The following MUS81 variants were observed in gnomAD, a reference collection of about 807,000 sequenced individuals.
The protein encoded by MUS81 is structure-specific endonuclease subunit MUS81.
In MUS81, 69 loss-of-function variants were observed where a neutral mutation model predicts 74.2. The ratio of observed to expected loss-of-function variants is 0.93; its 90% CI spans 0.77 to 1.14. The LOEUF is 1.14. Among genes scored for constraint, MUS81 ranks in the 50% most tolerant of loss-of-function variants. MUS81 has a pLI of 0.00. For synonymous variants in MUS81, 303 were observed against 300.6 expected (o/e 1.01, Z -0.08); for missense variants, 711 against 726.5 (o/e 0.98, Z 0.25).
rs141734852 is a variant in MUS81, at chr11:65,864,539, G to A, written c.1102G>A (p.Val368Met). 27 of 1,614,036 alleles carry A rather than the reference G, an allele frequency of 1.7e-5. No individual in the cohort carries two copies. The African/African-American group carries it at 3.5e-4, about 21-fold the overall frequency. Residue 368 changes from valine to methionine, a missense_variant, in exon 11 of 16, where the codon GTG becomes ATG. By Grantham distance (21) the Val-to-Met change is conservative (BLOSUM62 1). Coordinates refer to ENST00000308110, the MANE Select transcript of MUS81 (RefSeq NM_025128.5). ...TGGTCTGGAGCGCCGGGTATACCTG[G>A]TGGAAGAGCATGGTTCCGTCCACAA... ...RCGLERRVYL[V>M]EEHGSVHNLS...
chr11:65,863,934 C>T (rs1859716405), intron 10 of MUS81, 33 bp downstream of exon 10: 1 of 1,605,538 alleles, frequency 6.2e-7, no homozygotes, highest in South Asian at 1.1e-5. Flanking sequence ...GCTTCCCTGC[C>T]TGCTCCGAAG....
At position 65,862,856 on chromosome 11, in the gene MUS81, GAC is replaced by G. The variant is rs529643233; in HGVS notation, c.606-204_606-203del. Among the ~76,000 whole-genome samples the G allele has an allele frequency of 7.2e-5, 11 of 152,362 alleles. No homozygotes were observed. The East Asian group carries it at 9.6e-4, about 13-fold the overall frequency. ...AGACAGGAGGAAGGAAATTGTCTGA[GAC>G]ACACTTCTTGCAGACCTGAGAATGG... On this transcript the variant is annotated intron_variant, in intron 6 of 15. Transcript: ENST00000308110.
intron 5 of MUS81, 49 bp from the exon 6 acceptor site, chr11:65,862,395 C>T (rs765168221): frequency 6.3e-7 from 1 of 1,591,716 alleles, no homozygotes; most frequent in Admixed American, 1.7e-5. Flanking sequence ...GGAACATGGA[C>T]TTGTGGTGGT....
chr11:65,866,956 G>A, downstream of MUS81: 1 of 1,614,184 alleles, frequency 6.2e-7, no homozygotes, highest in Non-Finnish European at 8.5e-7. Flanking sequence ...GTGAGCCTCA[G>A]TACAGAGCTG....
In MUS81 at chr11:65,865,314, C is replaced by T; in HGVS notation, c.1496C>T (p.Thr499Ile). 3 of 1,613,732 alleles carry T rather than the reference C, an allele frequency of 1.9e-6. No individual in the cohort carries two copies. Among genetic ancestry groups the T allele is most frequent in the Non-Finnish European group, 2.5e-6 (3 of 1,179,820 alleles). The change falls in exon 14 of 16, where the codon ACC becomes ATC. Residue 499 changes from threonine to isoleucine, a missense_variant. Physicochemically the swap from Thr to Ile is moderately conservative, Grantham distance 89. Transcript: ENST00000308110. ...GCAGCCCTGGTGGATCGATACAGCA[C>T]CCCTGCCAGGTAGGCCCTAAAGGGC... ...KAAALVDRYS[T>I]PASLLAAYDA...
At chr11:65,866,806 C>T (rs2134744161), downstream of MUS81, 1 of 1,394,400 alleles carries the variant, frequency 7.2e-7, no homozygotes, top group East Asian at 2.5e-5. Flanking sequence ...TGTGACCCGC[C>T]CACCTCAGCC....
At chr11:65,862,110 C>G in intron 4 of MUS81, 65 bp downstream of exon 4, 1 of 1,594,240 alleles carries the variant, frequency 6.3e-7, no homozygotes, top group Non-Finnish European at 8.6e-7. Context: ...CCCGAGGGGC[C>G]TGGCCCAGGC....
intron 3 of MUS81, 103 bp downstream of exon 3, chr11:65,861,538 T>C (rs1452527566): frequency 1.1e-6 from 1 of 912,240 alleles, no homozygotes; most frequent in Non-Finnish European, 1.7e-6. Context: ...TCACCAGTGA[T>C]GCCTGGCCTT....
chr11:65,866,166 T>C lies in MUS81; in HGVS notation c.*114T>C. The stretch of plus-strand genomic sequence containing the variant: ...GAATCTAAGTGTTTGCAGCCATATG[T>C]GTCATGTAGAAGATGCCTAGCCCTG... On this transcript the variant is annotated 3_prime_UTR_variant, in exon 16 of 16. Coordinates refer to ENST00000308110, the MANE Select transcript of MUS81 (RefSeq NM_025128.5). The C allele has an allele frequency of 9.6e-7, 1 of 1,045,074 alleles. No individual in the cohort carries two copies. Among genetic ancestry groups the C allele is most frequent in the South Asian group, 1.6e-5 (1 of 63,524 alleles). 64.7% of individuals were successfully genotyped at this position (1,045,074 alleles called of 1,614,324 possible).
chr11:65,863,571 G>A (rs901932322), intron 8 of MUS81, 29 bp from the exon 9 acceptor site: 1 of 1,613,944 alleles, frequency 6.2e-7, no homozygotes, highest in Admixed American at 1.7e-5. Flanking sequence ...GCCCTGCTCT[G>A]ATCTAGGCTT....
intron 3 of MUS81, 80 bp downstream of exon 3, chr11:65,861,515 C>G: frequency 7.9e-7 from 1 of 1,273,490 alleles, no homozygotes; most frequent in South Asian, 1.3e-5. Flanking sequence ...TTTGGCAAGC[C>G]TGAGTCCAAA....
downstream of MUS81, chr11:65,867,347 C>T (rs757681721): frequency 1.2e-4 from 66 of 550,848 alleles, no homozygotes; most frequent in Non-Finnish European, 1.7e-4. Flanking sequence ...TTCAAGGCCA[C>T]ATGTGGCTCT....
At chr11:65,866,463 T>C, downstream of MUS81, 1 of 701,394 alleles carries the variant, frequency 1.4e-6, no homozygotes, top group Non-Finnish European at 2.6e-6. Context: ...TGCCTCGTTT[T>C]ATAGAAAAAC....
chr11:65,861,903 TG>T, intron 3 of MUS81, 43 bp from the exon 4 acceptor site: 1 of 1,499,168 alleles, frequency 6.7e-7, no homozygotes, highest in Non-Finnish European at 9.1e-7. Context: ...TATTCAAAGA[TG>T]ACTGGCTGGC....
At chr11:65,867,053 C>T (rs1449748991), downstream of MUS81, 2 of 1,614,152 alleles carry the variant, frequency 1.2e-6, no homozygotes, top group Non-Finnish European at 1.7e-6. Context: ...GGGCGAGGAC[C>T]AGCATGGCGC....
At position 65,865,786 on chromosome 11, in the gene MUS81, AG is replaced by A. The variant is rs1481714035; in HGVS notation, c.1506-24del. On this transcript the variant is annotated intron_variant, in intron 14 of 15. Coordinates refer to ENST00000308110, the MANE Select transcript of MUS81 (RefSeq NM_025128.5). ...CCCAGAGTGGGCCACTGTCAGCCTCAGAAACTCAAACCCCTGCCCCCCAGCC... is the reference window on the plus strand; with the variant it reads ...CCCAGAGTGGGCCACTGTCAGCCTCAAAACTCAAACCCCTGCCCCCCAGCC... 2.5e-6 allele frequency: 4 copies of A among 1,611,788 alleles called. No individual in the cohort carries two copies. In the African/African-American group the frequency reaches 4.0e-5, roughly 16 times the overall value.
rs1179052474 is a variant in MUS81 at position 65,863,902 on chromosome 11, G to A, written c.1059+1G>A. On this transcript the variant is annotated splice_donor_variant, in intron 10 of 15. Transcript: ENST00000308110. LOFTEE classifies it high-confidence loss of function. ...CGACGGCCGCTTCCGGGAGCAGAAG[G>A]TAATTTTGCTGGCTTTGCCAGGCTT... 2 of 1,613,956 alleles carry A rather than the reference G, an allele frequency of 1.2e-6. No homozygotes were observed. Among genetic ancestry groups the A allele is most frequent in the Non-Finnish European group, 1.7e-6 (2 of 1,179,936 alleles).
chr11:65,863,977 C>T, intron 10 of MUS81, 76 bp downstream of exon 10: 3 of 1,437,844 alleles, frequency 2.1e-6, no homozygotes, highest in Non-Finnish European at 2.9e-6. Context: ...TCCAGGGGCA[C>T]TTCTGGCAGC....
At position 65,860,865 on chromosome 11, in the gene MUS81, C is replaced by A; in HGVS notation, c.112C>A (p.Arg38Ser). 6.4e-7 allele frequency: 1 copy of A among 1,554,522 alleles called. No homozygotes were observed. Among genetic ancestry groups the A allele is most frequent in the Non-Finnish European group, 8.7e-7 (1 of 1,152,200 alleles). ...GGACGAGGCGACCCGCAGCAGGCGC[C>A]GCACGCGCTTCGTATTTCAGAAGGT... ...WRDEATRSRR[R>S]TRFVFQKALR... Residue 38 changes from arginine (R) to serine (S), a missense_variant, in exon 1 of 16, where the codon CGC (arginine) becomes AGC (serine). By Grantham distance (110) the Arg-to-Ser change is moderately radical. Transcript: ENST00000308110.
Sources: allele counts gnomAD v4.1 joint callset (sites outside exome capture counted in the v4.1 genomes callset), GRCh38; gene constraint gnomAD v4.1.1; transcripts MANE v1.5; gene names NCBI Gene and HGNC (gene_info 2026-07-23, HGNC 2026-07-21).